Variants in RYR3 observed in about 807,000 individuals in gnomAD.
RYR3 encodes ryanodine receptor 3.
A neutral mutation model predicts 584.3 loss-of-function variants in RYR3; 207 were observed. That is an observed-to-expected ratio of 0.35 (90% confidence interval 0.32 to 0.40). RYR3 has a LOEUF of 0.40. Ranked by LOEUF, RYR3 falls within the 10% of genes least tolerant of loss-of-function variation. The pLI, the probability that RYR3 is intolerant of heterozygous loss-of-function variation, is 1.00. For missense variants in RYR3, 5,616 were observed against 6,089.2 expected (o/e 0.92, Z 2.59); for synonymous variants, 2,416 against 2,248.5 (o/e 1.07, Z -2.11).
At chr15:33,629,528 A>G (rs1424146591) in intron 21 of RYR3, among the ~76,000 whole-genome samples, 1 of 152,238 alleles carries the variant, frequency 6.6e-6, no homozygotes, top group African/African-American at 2.4e-5. Flanking sequence ...GAAATTACAA[A>G]TGTGCTTCAC....
chr15:33,443,164 T>A (rs2046363508), intron 1 of RYR3, among the ~76,000 whole-genome samples: 1 of 151,540 alleles, frequency 6.6e-6, no homozygotes, highest in Admixed American at 6.6e-5. Context: ...GAGGCTCAGG[T>A]GGGAGAATTC....
chr15:33,512,720 T>G (rs906144983), intron 3 of RYR3, among the ~76,000 whole-genome samples: 1 of 152,240 alleles, frequency 6.6e-6, no homozygotes, highest in African/African-American at 2.4e-5. Context: ...GTATCTGTGA[T>G]CTAGAAAGCC....
At chr15:33,854,253 C>T in intron 96 of RYR3, 136 bp from the exon 97 acceptor site, 2 of 669,784 alleles carry the variant, frequency 3.0e-6, no homozygotes, top group South Asian at 1.8e-5. Context: ...TCATGGGGAG[C>T]ACATACAACT....
intron 1 of RYR3, among the ~76,000 whole-genome samples, chr15:33,342,487 TTGAC>T (rs1971940408): frequency 6.6e-6 from 1 of 152,146 alleles, no homozygotes; most frequent in South Asian, 2.1e-4. Flanking sequence ...TTTATATCTA[TTGAC>T]TAAGTATTGA....
At chr15:33,361,942 T>C (rs1428894234) in intron 1 of RYR3, among the ~76,000 whole-genome samples, 1 of 152,302 alleles carries the variant, frequency 6.6e-6, no homozygotes, top group African/African-American at 2.4e-5. Flanking sequence ...GCCCAGCATC[T>C]TCCTCAGTGA....
At chr15:33,763,249 A>C (rs577010765) in intron 60 of RYR3, among the ~76,000 whole-genome samples, 8 of 152,352 alleles carry the variant, frequency 5.3e-5, no homozygotes, top group African/African-American at 1.7e-4. Flanking sequence ...AATGGCAACA[A>C]AAGCCATAAT....
chr15:33,756,882 G>A (rs16957951), intron 59 of RYR3, among the ~76,000 whole-genome samples: 6,827 of 152,130 alleles, frequency 0.045, 409 homozygotes, highest in African/African-American at 0.14. Context: ...TTCAGGGACC[G>A]GGAGAAGGCA....
At chr15:33,684,454 A>G (rs907419620) in intron 38 of RYR3, among the ~76,000 whole-genome samples, 6 of 150,782 alleles carry the variant, frequency 4.0e-5, no homozygotes, top group Non-Finnish European at 7.4e-5. Context: ...ATCAACATTA[A>G]AAAAAAGGAC....
chr15:33,580,741 A>C (rs1433091604), intron 13 of RYR3, among the ~76,000 whole-genome samples: 1 of 152,186 alleles, frequency 6.6e-6, no homozygotes, highest in Non-Finnish European at 1.5e-5. Flanking sequence ...CCAACAGGCC[A>C]TGGTTGTACT....
At chr15:33,723,676 C>T (rs964358439) in intron 44 of RYR3, among the ~76,000 whole-genome samples, 16 of 152,164 alleles carry the variant, frequency 1.1e-4, no homozygotes, top group Admixed American at 5.9e-4. Context: ...AACTGAGGCC[C>T]AAGGTCATAT....
intron 2 of RYR3, among the ~76,000 whole-genome samples, chr15:33,485,093 C>T (rs1218752189): frequency 1.3e-5 from 2 of 152,066 alleles, no homozygotes; most frequent in Non-Finnish European, 2.9e-5. Context: ...AAGAAATAGG[C>T]ATGTGTGTCA....
chr15:33,684,890 A>T lies in RYR3; in HGVS notation c.5861-11328A>T, dbSNP rs145691405. ...AAACAAAATCCTTTATAGACAAGGA[A>T]ATGCTGAGAGATTTTGTCACTGCCA... On this transcript the variant is annotated intron_variant, in intron 38 of 103. Transcript: ENST00000634891. Among the ~76,000 whole-genome samples the T allele has an allele frequency of 9.7e-3, 1,471 of 152,334 alleles. 11 individuals carry two copies. Among genetic ancestry groups the T allele is most frequent in the Non-Finnish European group, 0.017 (1,124 of 68,032 alleles).
At chr15:33,632,639 T>G (rs1002038625) in intron 23 of RYR3, among the ~76,000 whole-genome samples, 1 of 152,276 alleles carries the variant, frequency 6.6e-6, no homozygotes, top group Non-Finnish European at 1.5e-5. Context: ...TGTTGCAGCA[T>G]GCTGAACGTG....
At chr15:33,350,166 C>T (rs1973051045) in intron 1 of RYR3, among the ~76,000 whole-genome samples, 1 of 152,066 alleles carries the variant, frequency 6.6e-6, no homozygotes. Flanking sequence ...TGAGGAATTG[C>T]CGCTACATAA....
At chr15:33,535,253 A>G (rs1312495812) in intron 5 of RYR3, among the ~76,000 whole-genome samples, 2 of 151,142 alleles carry the variant, frequency 1.3e-5, no homozygotes, top group African/African-American at 2.5e-5. Flanking sequence ...TAGATCTAGA[A>G]AAAAAAATCC....
chr15:33,732,937 T>G (rs1010511571), intron 48 of RYR3, among the ~76,000 whole-genome samples: 2 of 152,132 alleles, frequency 1.3e-5, no homozygotes, highest in Non-Finnish European at 2.9e-5. Flanking sequence ...TAATCACAGA[T>G]GAAATTACTA....
intron 67 of RYR3, among the ~76,000 whole-genome samples, chr15:33,798,668 A>G (rs2075758043): frequency 6.6e-6 from 1 of 152,240 alleles, no homozygotes; most frequent in Non-Finnish European, 1.5e-5. Context: ...GATCTTTAGC[A>G]GGGCATAGTT....
chr15:33,859,536 G>A lies in RYR3; in HGVS notation c.14143-39G>A, dbSNP rs190330889. 211 of 1,611,212 alleles carry A rather than the reference G, an allele frequency of 1.3e-4. 3 individuals carry two copies. In the Admixed American group the frequency reaches 3.4e-3, roughly 26 times the overall value. On this transcript the variant is annotated intron_variant, in intron 99 of 103. Transcript: ENST00000634891. Reference sequence around the variant, plus strand: ...TGAGCATCTTGCTAAAAACAGAACTGTGACTTTTGCCTAAATCCCCCTTAT... The same window carrying A: ...TGAGCATCTTGCTAAAAACAGAACTATGACTTTTGCCTAAATCCCCCTTAT...
chr15:33,587,022 G>T (rs2058885673), intron 16 of RYR3, among the ~76,000 whole-genome samples: 1 of 139,118 alleles, frequency 7.2e-6, no homozygotes. Context: ...GTCATCATCT[G>T]GGGGGACTGC....
Sources: allele counts gnomAD v4.1 joint callset (sites outside exome capture counted in the v4.1 genomes callset), GRCh38; gene constraint gnomAD v4.1.1; transcripts MANE v1.5; gene names NCBI Gene and HGNC (gene_info 2026-07-23, HGNC 2026-07-21).